TBC1D30: variants seen among roughly 807,000 people sequenced by gnomAD.
TBC1D30 encodes the protein TBC1 domain family member 30, also known as TBC1 domain family, member 30.
In TBC1D30, 31 loss-of-function variants were observed where a neutral mutation model predicts 63.2. The observed-to-expected ratio is 0.49, with a 90% CI of 0.37 to 0.66. TBC1D30 has a LOEUF of 0.66. Ranked by LOEUF, TBC1D30 falls within the 30% of genes least tolerant of loss-of-function variation. The pLI is 0.00. For synonymous variants in TBC1D30, 307 were observed against 361.5 expected (o/e 0.85, Z 1.71); for missense variants, 810 against 953.6 (o/e 0.85, Z 1.98).
intron 2 of TBC1D30, among the ~76,000 whole-genome samples, chr12:64,807,918 G>GTTTTTTTTTTTGT (rs1872970872): frequency 1.1e-5 from 1 of 93,526 alleles, no homozygotes; most frequent in Non-Finnish European, 1.9e-5. Flanking sequence ...CCTAATTTAA[G>GTTTTTTTTTTTGT]TTTTTTTTTT....
Position 64,877,830 on chromosome 12 carries a change from C to T in TBC1D30, c.*2042C>T, listed in dbSNP as rs1565698507. ...AATGAGTCAGAATAGTCATGTTCCC[C>T]TTGAGGGATGTCTGACTTGAATGGA... On this transcript the variant is annotated 3_prime_UTR_variant, in exon 12 of 12. Coordinates refer to ENST00000539867, the MANE Select transcript of TBC1D30 (RefSeq NM_015279.2). The T allele has an allele frequency of 6.6e-6, 1 of 152,552 alleles. No homozygotes were observed. Among genetic ancestry groups the T allele is most frequent in the Non-Finnish European group, 1.5e-5 (1 of 68,302 alleles). The allele number at this position is 152,552 out of a possible 1,614,324, so 9.4% of individuals were successfully genotyped here.
intron 8 of TBC1D30, among the ~76,000 whole-genome samples, chr12:64,860,470 CT>C (rs536996011): frequency 2.0e-4 from 29 of 148,362 alleles, no homozygotes; most frequent in Middle Eastern, 3.4e-3. Flanking sequence ...AAGTATATTA[CT>C]TTTTTTTTTT....
chr12:64,820,129 G>A (rs11175565), upstream of TBC1D30, among the ~76,000 whole-genome samples: 2,034 of 152,226 alleles, frequency 0.013, 16 homozygotes, highest in Middle Eastern at 0.058. Flanking sequence ...AGATAAGCAC[G>A]TAGGCCCTTT....
chr12:64,821,746 A>G (rs148376807), upstream of TBC1D30, among the ~76,000 whole-genome samples: 355 of 152,348 alleles, frequency 2.3e-3, 2 homozygotes, highest in Non-Finnish European at 4.0e-3. Flanking sequence ...AAATTAATAC[A>G]AAGCTGAAGG....
Position 64,875,161 on chromosome 12 carries a change from C to T in TBC1D30, c.1659C>T (p.Pro553=). The T allele has an allele frequency of 6.5e-7, 1 of 1,536,380 alleles. No homozygotes were observed. Among genetic ancestry groups the T allele is most frequent in the Non-Finnish European group, 8.7e-7 (1 of 1,146,936 alleles). ...CAGGAGGGAAAATATCTCCTGTCCC[C>T]TACGAAGACCTTAAGACGAAGCTCA... ...GHTGGKISPV[P]YEDLKTKLNS... The change falls in exon 12 of 12, where the codon CCC becomes CCT. Residue 553 remains proline (P), a synonymous_variant. Transcript: ENST00000539867.
At chr12:64,856,531 A>C (rs1361620546) in intron 8 of TBC1D30, among the ~76,000 whole-genome samples, 3 of 152,174 alleles carry the variant, frequency 2.0e-5, no homozygotes, top group Admixed American at 2.0e-4. Context: ...TCTCTGAAAC[A>C]TGTGGAGTCT....
intron 3 of TBC1D30, 54 bp downstream of exon 3, chr12:64,828,563 A>G (rs1454814164): frequency 3.9e-6 from 5 of 1,279,130 alleles, no homozygotes; most frequent in Non-Finnish European, 5.5e-6. Context: ...GCCCTTCTTT[A>G]GAGCCTCTGG....
rs1220574846 is a variant in TBC1D30 at position 64,877,269 on chromosome 12, A to G, written c.*1481A>G. The stretch of plus-strand genomic sequence containing the variant: ...CATTAGAGGAATAGACTCAGCCTTC[A>G]TGTTTGTCTCTGGAAGACGATTGGC... On this transcript the variant is annotated 3_prime_UTR_variant, in exon 12 of 12. Transcript: ENST00000539867. The G allele has an allele frequency of 6.2e-6, 1 of 161,800 alleles. No individual in the cohort carries two copies. Among genetic ancestry groups the G allele is most frequent in the East Asian group, 1.7e-4 (1 of 5,914 alleles). 10.0% of individuals were successfully genotyped at this position (161,800 alleles called of 1,614,324 possible).
At chr12:64,796,036 C>T (rs1349299171) in intron 2 of TBC1D30, among the ~76,000 whole-genome samples, 1 of 151,910 alleles carries the variant, frequency 6.6e-6, no homozygotes, top group Non-Finnish European at 1.5e-5. Context: ...CCTGAAATAA[C>T]TTAGAATATG....
chr12:64,761,756 C>A (rs1015423746), intron 1 of TBC1D30, among the ~76,000 whole-genome samples: 2 of 152,248 alleles, frequency 1.3e-5, no homozygotes, highest in Admixed American at 6.5e-5. Context: ...CCTCGGGCTG[C>A]TCTGCCTATG....
upstream of TBC1D30, among the ~76,000 whole-genome samples, chr12:64,822,561 G>A (rs112319833): frequency 0.03 from 4,528 of 152,014 alleles, 245 homozygotes; most frequent in African/African-American, 0.1. Context: ...ACAGTGGTGC[G>A]ATAATGGCTC....
rs557740978 is a variant in TBC1D30, at chr12:64,781,323, T to C, written c.478+37T>C. 6 of 1,075,342 alleles carry C rather than the reference T, an allele frequency of 5.6e-6. No individual in the cohort carries two copies. The East Asian group carries it at 5.4e-4, about 96-fold the overall frequency. The allele number at this position is 1,075,342 out of a possible 1,614,324, so 66.6% of individuals were successfully genotyped here. A position where few individuals can be genotyped will look rare whatever the true frequency, so the allele number is the denominator to read the frequency against. On this transcript the variant is annotated intron_variant, in intron 1 of 12. Transcript: ENST00000542120. ...GCGCAGCAGGGTCCCGGGGGCTTCC[T>C]GGAGCCGGGTTGTCCTCGCCGTCTC...
chr12:64,771,236 C>A (rs1284795889), intron 1 of TBC1D30, among the ~76,000 whole-genome samples: 1 of 151,738 alleles, frequency 6.6e-6, no homozygotes, highest in Non-Finnish European at 1.5e-5. Flanking sequence ...GTGGTGCAAA[C>A]CCCAATAGGA....
rs1249795140 is a variant in TBC1D30, at chr12:64,877,057, C to G, written c.*1269C>G. 2 of 367,444 alleles carry G rather than the reference C, an allele frequency of 5.4e-6. No individual in the cohort carries two copies. Among genetic ancestry groups the G allele is most frequent in the African/African-American group, 4.2e-5 (2 of 47,578 alleles). 22.8% of individuals were successfully genotyped at this position (367,444 alleles called of 1,614,324 possible). A position where few individuals can be genotyped will look rare whatever the true frequency, so the allele number is the denominator to read the frequency against. ...GCGTGTAAAAACCAAGACTGGGAAG[C>G]CATTCACTAAAATCCCTCCTGACTC... On this transcript the variant is annotated 3_prime_UTR_variant, in exon 12 of 12. Coordinates refer to ENST00000539867, the MANE Select transcript of TBC1D30 (RefSeq NM_015279.2).
chr12:64,799,074 A>G (rs999079049), intron 2 of TBC1D30, among the ~76,000 whole-genome samples: 10 of 151,830 alleles, frequency 6.6e-5, no homozygotes, highest in African/African-American at 2.2e-4. Flanking sequence ...CGGCCTCCCA[A>G]AGTGCTGGGA....
chr12:64,843,488 G>A lies in TBC1D30; in HGVS notation c.1038+3G>A. ...TGCAAAGCCATGAACTCATGCAGGT[G>A]AGTCGGCAACATGGAGCAGCTTGGC... On this transcript the variant is annotated splice_donor_region_variant and intron_variant, in intron 8 of 11. Coordinates refer to ENST00000539867, the MANE Select transcript of TBC1D30 (RefSeq NM_015279.2). 6.5e-7 allele frequency: 1 copy of A among 1,535,724 alleles called. No homozygotes were observed. Among genetic ancestry groups the A allele is most frequent in the Non-Finnish European group, 8.7e-7 (1 of 1,146,572 alleles).
intron 2 of TBC1D30, among the ~76,000 whole-genome samples, chr12:64,813,873 C>G (rs1873365442): frequency 1.3e-5 from 2 of 152,034 alleles, no homozygotes; most frequent in Admixed American, 1.3e-4. Flanking sequence ...GTGCACGGAG[C>G]CCCATGCTAG....
chr12:64,833,235 C>T (rs994240325), intron 5 of TBC1D30, among the ~76,000 whole-genome samples: 2 of 152,192 alleles, frequency 1.3e-5, no homozygotes, highest in African/African-American at 4.8e-5. Flanking sequence ...AATTGACTTA[C>T]ATTAATATCT....
chr12:64,868,869 T>C (rs2136470353), intron 10 of TBC1D30, among the ~76,000 whole-genome samples: 2 of 152,338 alleles, frequency 1.3e-5, no homozygotes, highest in East Asian at 3.9e-4. Flanking sequence ...TCTTAAGTTA[T>C]GACTTCTGGA....
Sources: allele counts gnomAD v4.1 joint callset (sites outside exome capture counted in the v4.1 genomes callset), GRCh38; gene constraint gnomAD v4.1.1; transcripts MANE v1.5; gene names NCBI Gene and HGNC (gene_info 2026-07-23, HGNC 2026-07-21).